Variants in NPHP4 observed in about 807,000 individuals in gnomAD.
NPHP4 encodes nephrocystin 4.
A neutral mutation model predicts 155.8 loss-of-function variants in NPHP4; 151 were observed. The ratio of observed to expected loss-of-function variants is 0.97; its 90% confidence interval spans 0.85 to 1.11. The LOEUF is 1.11. Ranked by LOEUF, NPHP4 falls within the 50% of genes least tolerant of loss-of-function variation. The pLI is 0.00. For missense variants in NPHP4, 1,956 were observed against 1,925.7 expected, an observed-to-expected ratio of 1.02 and a Z score of -0.29; for synonymous variants, 845 against 816.8, an observed-to-expected ratio of 1.03 and a Z score of -0.59.
At chr1:5,924,000 G>T (rs1017696668) in intron 11 of NPHP4, among the ~76,000 whole-genome samples, 1 of 152,154 alleles carries the variant, frequency 6.6e-6, no homozygotes, top group African/African-American at 2.4e-5. Context: ...AGTTCAAAAA[G>T]CCAGAGGAAA....
chr1:5,947,540 G>C (rs951419606), intron 8 of NPHP4, among the ~76,000 whole-genome samples: 1 of 152,158 alleles, frequency 6.6e-6, no homozygotes, highest in Admixed American at 6.5e-5. Flanking sequence ...ACCAAAGCTT[G>C]CCTGCAGGCC....
At chr1:5,906,091 AGGAGGGAAT>A (rs1235383254) in intron 13 of NPHP4, among the ~76,000 whole-genome samples, 1 of 152,168 alleles carries the variant, frequency 6.6e-6, no homozygotes, top group Non-Finnish European at 1.5e-5. Context: ...AGAAGCGGTG[AGGAGGGAAT>A]CCTAATTTTA....
chr1:5,923,250 A>G (rs1166333496), intron 11 of NPHP4, among the ~76,000 whole-genome samples: 3 of 152,220 alleles, frequency 2.0e-5, no homozygotes, highest in African/African-American at 4.8e-5. Context: ...GGCCAAGAAG[A>G]GTAACAGTGA....
chr1:5,926,372 A>G (rs548279203), intron 11 of NPHP4, among the ~76,000 whole-genome samples: 72 of 152,344 alleles, frequency 4.7e-4, no homozygotes, highest in Non-Finnish European at 8.1e-4. Context: ...ATGTATTACT[A>G]TTGTACTTTT....
chr1:5,903,516 G>C lies in NPHP4; in HGVS notation c.2143+1101C>G, dbSNP rs565422379. ...ATGAGCTGAGTCACTGACCAAGATG[G>C]GGAAACTGACCATCAATAAAAATAT... is the stretch of plus-strand genomic sequence containing the variant. On this transcript the variant is annotated intron_variant, in intron 16 of 29. Transcript: ENST00000378156. Among the ~76,000 whole-genome samples the C allele has an allele frequency of 5.9e-5, 9 of 152,214 alleles. 1 individual carries two copies. In the South Asian group the frequency reaches 1.9e-3, roughly 32 times the overall value.
intron 16 of NPHP4, among the ~76,000 whole-genome samples, chr1:5,893,092 C>T (rs1436893619): frequency 6.6e-6 from 1 of 152,112 alleles, no homozygotes; most frequent in Non-Finnish European, 1.5e-5. Context: ...ACGCAGCACC[C>T]CAGTGACAGA....
chr1:5,968,851 TGG>T (rs1652013432), intron 4 of NPHP4, among the ~76,000 whole-genome samples: 1 of 151,950 alleles, frequency 6.6e-6, no homozygotes. Context: ...CTGGCCAACA[TGG>T]CAAAACCCCG....
Position 5,944,196 on chromosome 1 carries a change from G to A in NPHP4, c.1119+2908C>T, listed in dbSNP as rs1460513969. Among the ~76,000 whole-genome samples the A allele has an allele frequency of 1.3e-5, 2 of 152,200 alleles. No homozygotes were observed. Among genetic ancestry groups the A allele is most frequent in the South Asian group, 2.1e-4 (1 of 4,834 alleles). ...CCGGGGAAGCTCCGTGGGGCCCATC[G>A]CACCAGCCAGCCTGTTTTCAGCTGT... On this transcript the variant is annotated intron_variant, in intron 9 of 29. Coordinates refer to ENST00000378156, the MANE Select transcript of NPHP4 (RefSeq NM_015102.5). This position sits in a 1 kb window ranked among gnomAD's most constrained non-coding sequence, Gnocchi z 4.3.
intron 29 of NPHP4, 83 bp downstream of exon 29, chr1:5,863,807 C>T (rs1320897667): frequency 1.4e-5 from 20 of 1,456,090 alleles, no homozygotes; most frequent in Middle Eastern, 2.3e-4. Context: ...ATTTGAGGAA[C>T]TCGCTCCTAA....
rs754395277 is a variant in NPHP4 at position 5,933,343 on chromosome 1, A to T, written c.1120-14T>A. On this transcript the variant is annotated splice_polypyrimidine_tract_variant and intron_variant, in intron 9 of 29. Transcript: ENST00000378156. The stretch of plus-strand genomic sequence containing the variant: ...GACCGAAGCTGCCTAGAATTAAAAC[A>T]AAGCACATCGGTGTATGAGTTATCA... 1.2e-6 allele frequency: 2 copies of T among 1,608,496 alleles called. No individual in the cohort carries two copies. Among genetic ancestry groups the T allele is most frequent in the South Asian group, 2.2e-5 (2 of 90,598 alleles).
intron 26 of NPHP4, 67 bp from the exon 27 acceptor site, chr1:5,865,340 C>G: frequency 7.2e-7 from 1 of 1,380,188 alleles, no homozygotes; most frequent in African/African-American, 1.4e-5. Flanking sequence ...GAGAGGCCAA[C>G]AAGGGCTGCC....
At chr1:5,874,782 CT>C in intron 21 of NPHP4, 91 bp downstream of exon 21, 1 of 1,530,472 alleles carries the variant, frequency 6.5e-7, no homozygotes, top group Non-Finnish European at 9.0e-7. Flanking sequence ...CGCCCCGGCT[CT>C]CGGGCAGAAT....
chr1:5,964,556 C>T (rs1570667415), intron 5 of NPHP4, among the ~76,000 whole-genome samples: 1 of 152,130 alleles, frequency 6.6e-6, no homozygotes, highest in South Asian at 2.1e-4. Flanking sequence ...TTATGATCTG[C>T]GTCAATGTGC....
At chr1:5,928,709 G>A (rs934911261) in intron 10 of NPHP4, among the ~76,000 whole-genome samples, 1 of 152,174 alleles carries the variant, frequency 6.6e-6, no homozygotes, top group Non-Finnish European at 1.5e-5. Flanking sequence ...TGTGTAGTAT[G>A]ATTCCTCCAA....
In NPHP4 at chr1:5,910,720, A is replaced by G. The variant is rs1324583673; in HGVS notation, c.1442-1507T>C. Among the ~76,000 whole-genome samples the G allele has an allele frequency of 6.6e-6, 1 of 152,158 alleles. No homozygotes were observed. Among genetic ancestry groups the G allele is most frequent in the Admixed American group, 6.5e-5 (1 of 15,278 alleles). On this transcript the variant is annotated intron_variant, in intron 11 of 29. Coordinates refer to ENST00000378156, the MANE Select transcript of NPHP4 (RefSeq NM_015102.5). The surrounding 1 kb of genome is among the most constrained non-coding windows in gnomAD (Gnocchi z 5.4). ...ATGCTGTCGACCAAGGAGAAACCAA[A>G]TCCAGAAAGTGCCGCCCTAACACCA...
chr1:5,923,641 T>C (rs371351144), intron 11 of NPHP4, among the ~76,000 whole-genome samples: 1 of 152,248 alleles, frequency 6.6e-6, no homozygotes, highest in Non-Finnish European at 1.5e-5. Flanking sequence ...TCATTCTTCA[T>C]GGGACACCGG....
intron 6 of NPHP4, 114 bp from the exon 7 acceptor site, chr1:5,952,950 GCTCGGGA>G (rs1265732930): frequency 9.8e-6 from 9 of 920,088 alleles, no homozygotes; most frequent in Non-Finnish European, 1.4e-5. Flanking sequence ...AACGAAGGGT[GCTCGGGA>G]CTCCCAGACA....
In NPHP4 at chr1:5,933,196, G is replaced by T; in HGVS notation, c.1253C>A (p.Ser418Ter). 2 of 1,613,788 alleles carry T rather than the reference G, an allele frequency of 1.2e-6. No homozygotes were observed. The highest frequency in any genetic ancestry group is 1.7e-6 in the Non-Finnish European group (2 of 1,179,732). The change falls in exon 10 of 30, where the codon TCG becomes TAG. Residue 418 changes from serine (S) to a stop codon, truncating the protein, a stop_gained. Transcript: ENST00000378156. LOFTEE classifies it high-confidence loss of function. Reference protein sequence around the residue: ...PLQGGIQPNPSHCLVYKVPSA... With the variant: ...PLQGGIQPNP ...GGGTACCTTGTAGACCAGACAGTGC[G>T]AGGGGTTGGGCTGGATCCCACCCTG...
intron 16 of NPHP4, among the ~76,000 whole-genome samples, chr1:5,902,110 C>G (rs1424354312): frequency 6.6e-6 from 1 of 152,228 alleles, no homozygotes; most frequent in Non-Finnish European, 1.5e-5. Context: ...CTCTGCCCAG[C>G]CCCCATGCCT....
Sources: gnomAD v4.1 joint callset for allele counts (sites outside exome capture counted in the v4.1 genomes callset) on GRCh38, gnomAD v4.1.1 for gene constraint, Gnocchi (gnomAD v3.1) non-coding constraint, MANE v1.5 for transcripts, NCBI Gene and HGNC (gene_info 2026-07-23, HGNC 2026-07-21) for gene names.